Variants in CACNA1I observed in about 807,000 individuals in gnomAD.
CACNA1I encodes voltage-dependent T-type calcium channel subunit alpha-1I.
A neutral mutation model predicts 201.6 loss-of-function variants in CACNA1I; 74 were observed. The observed-to-expected ratio is 0.37, with a 90% confidence interval of 0.30 to 0.45. The LOEUF is 0.45. Ranked by LOEUF, CACNA1I falls within the 20% of genes least tolerant of loss-of-function variation. The pLI is 1.00. For synonymous variants in CACNA1I, 1,431 were observed against 1,345.2 expected, an observed-to-expected ratio of 1.06 and a Z score of -1.40; for missense variants, 2,346 against 3,138.1, an observed-to-expected ratio of 0.75 and a Z score of 6.03.
intron 3 of CACNA1I, among the ~76,000 whole-genome samples, chr22:39,602,952 G>C (rs1489189341): frequency 6.6e-6 from 1 of 151,990 alleles, no homozygotes; most frequent in Non-Finnish European, 1.5e-5. Flanking sequence ...AGGAGTTTGA[G>C]ACCAGCCTGG....
At chr22:39,578,718 C>T (rs1350216602) in intron 1 of CACNA1I, among the ~76,000 whole-genome samples, 1 of 152,182 alleles carries the variant, frequency 6.6e-6, no homozygotes, top group Non-Finnish European at 1.5e-5. Flanking sequence ...CTGATTCTTT[C>T]CTCACTCCCC....
In CACNA1I at chr22:39,685,773, G is replaced by T; in HGVS notation, c.6040G>T (p.Asp2014Tyr). 6.7e-7 allele frequency: 1 copy of T among 1,490,710 alleles called. No homozygotes were observed. The allele number at this position is 1,490,710 out of a possible 1,614,324, so 92.3% of individuals were successfully genotyped here. A position where few individuals can be genotyped will look rare whatever the true frequency, so the allele number is the denominator to read the frequency against. ...CACCTCCCCCCAGGCCACCGGGAGC[G>T]ACACGTCGCTGGACGCCAGCCCCAG... ...CTLLRQATGS[D>Y]TSLDASPSSS... The change falls in exon 37 of 37, where the codon GAC becomes TAC. Residue 2014 changes from aspartate (D) to tyrosine (Y), a missense_variant. Physicochemically the swap from Asp to Tyr is radical, Grantham distance 160. Coordinates refer to ENST00000402142, the MANE Select transcript of CACNA1I (RefSeq NM_021096.4). This position sits in a 1 kb window ranked among gnomAD's most constrained non-coding sequence, Gnocchi z 5.0.
At chr22:39,576,465 CT>C (rs1312410660) in intron 1 of CACNA1I, among the ~76,000 whole-genome samples, 4 of 152,232 alleles carry the variant, frequency 2.6e-5, no homozygotes, top group African/African-American at 4.8e-5. Context: ...CCAGTCCTGG[CT>C]TTTATTCAGG....
chr22:39,623,875 G>A (rs1335583569), intron 4 of CACNA1I, among the ~76,000 whole-genome samples: 1 of 146,086 alleles, frequency 6.8e-6, no homozygotes, highest in South Asian at 2.2e-4. Flanking sequence ...GCCTGTGAGG[G>A]TGTGTGTGTG....
intron 1 of CACNA1I, among the ~76,000 whole-genome samples, chr22:39,580,854 T>C (rs925148106): frequency 6.6e-6 from 1 of 152,302 alleles, no homozygotes; most frequent in South Asian, 2.1e-4. Context: ...TACCGATGGA[T>C]GGATTGATCA....
intron 2 of CACNA1I, among the ~76,000 whole-genome samples, chr22:39,598,731 T>C (rs549903717): frequency 2.6e-4 from 40 of 152,154 alleles, no homozygotes; most frequent in African/African-American, 8.7e-4. Flanking sequence ...AGATGCCCTT[T>C]AGGAGCGGGC....
chr22:39,624,441 C>T (rs1003500903), intron 4 of CACNA1I, among the ~76,000 whole-genome samples: 3 of 152,192 alleles, frequency 2.0e-5, no homozygotes, highest in Non-Finnish European at 2.9e-5. Flanking sequence ...AGGGTCTCCT[C>T]CTGCTAGTGG....
rs894683406 is a variant in CACNA1I, at chr22:39,676,178, C to T, written c.4855-1163C>T. On this transcript the variant is annotated intron_variant, in intron 29 of 36. Coordinates refer to ENST00000402142, the MANE Select transcript of CACNA1I (RefSeq NM_021096.4). The surrounding 1 kb of genome is among the most constrained non-coding windows in gnomAD (Gnocchi z 4.8). ...CGGCAATCCTGGTTAAGAGATGCTG[C>T]CCCCGCCGGCCTGTGCAGGGCACAA... Among the ~76,000 whole-genome samples, 1 of 152,206 alleles carries T rather than the reference C, an allele frequency of 6.6e-6. No individual in the cohort carries two copies. Among genetic ancestry groups the T allele is most frequent in the Non-Finnish European group, 1.5e-5 (1 of 68,038 alleles).
chr22:39,605,199 AC>A (rs1933183941), intron 3 of CACNA1I, among the ~76,000 whole-genome samples: 1 of 151,552 alleles, frequency 6.6e-6, no homozygotes, highest in Admixed American at 6.6e-5. Flanking sequence ...CAAATTAATT[AC>A]TAGCTCTTTC....
chr22:39,631,408 C>T (rs1934058409), intron 4 of CACNA1I, among the ~76,000 whole-genome samples: 1 of 152,234 alleles, frequency 6.6e-6, no homozygotes, highest in Non-Finnish European at 1.5e-5. Context: ...CCATCTGGCT[C>T]TTGCTCCAGG....
At chr22:39,640,446 T>TA (rs905032724) in intron 5 of CACNA1I, among the ~76,000 whole-genome samples, 10 of 152,156 alleles carry the variant, frequency 6.6e-5, no homozygotes, top group African/African-American at 2.4e-4. Flanking sequence ...CAGGATCACT[T>TA]ACATGGAAGT....
At position 39,661,952 on chromosome 22, in the gene CACNA1I, G is replaced by C. The variant is rs1025600553; in HGVS notation, c.2902-13G>C. The C allele has an allele frequency of 2.2e-5, 33 of 1,499,320 alleles. No individual in the cohort carries two copies. Among genetic ancestry groups the C allele is most frequent in the Non-Finnish European group, 2.9e-5 (33 of 1,127,182 alleles). The allele number at this position is 1,499,320 out of a possible 1,614,324, so 92.9% of individuals were successfully genotyped here. A position where few individuals can be genotyped will look rare whatever the true frequency, so the allele number is the denominator to read the frequency against. Reference sequence around the variant, plus strand: ...GCCTGTGGGGCGCTGACCCGAACGGGAACTCCTTCCAGTCCAGCTCCCGGA... The same window carrying C: ...GCCTGTGGGGCGCTGACCCGAACGGCAACTCCTTCCAGTCCAGCTCCCGGA... On this transcript the variant is annotated splice_polypyrimidine_tract_variant and intron_variant, in intron 16 of 36. Transcript: ENST00000402142.
rs966218626 is a variant in CACNA1I, at chr22:39,661,919, G to A, written c.2902-46G>A. 12 of 1,312,106 alleles carry A rather than the reference G, an allele frequency of 9.1e-6. No homozygotes were observed. The South Asian group carries it at 1.1e-4, about 12-fold the overall frequency. 81.3% of individuals were successfully genotyped at this position (1,312,106 alleles called of 1,614,324 possible). On this transcript the variant is annotated intron_variant, in intron 16 of 36. Transcript: ENST00000402142. The stretch of plus-strand genomic sequence containing the variant: ...CCTTTGGGCACCTGGTGCCCCAGCC[G>A]TGGGTGTGCCTGTGGGGCGCTGACC...
Position 39,684,227 on chromosome 22 carries a change from C to A in CACNA1I, c.5831-75C>A. The A allele has an allele frequency of 7.5e-7, 1 of 1,331,104 alleles. No homozygotes were observed. The highest frequency in any genetic ancestry group is 1.1e-6 in the Non-Finnish European group (1 of 943,942). 82.5% of individuals were successfully genotyped at this position (1,331,104 alleles called of 1,614,324 possible). A position where few individuals can be genotyped will look rare whatever the true frequency, so the allele number is the denominator to read the frequency against. The stretch of plus-strand genomic sequence containing the variant: ...CACTGCTGGCCCAGTGAGATTGGTG[C>A]TCAATGCCACCTTCCAGGGGCTGCC... On this transcript the variant is annotated intron_variant, in intron 35 of 36. Transcript: ENST00000402142. The surrounding 1 kb of genome is among the most constrained non-coding windows in gnomAD (Gnocchi z 4.6).
rs1343245258 is a variant in CACNA1I, at chr22:39,607,893, G to GGA, written c.482+7241_482+7242insAG. Among the ~76,000 whole-genome samples, 8 of 113,378 alleles carry GGA rather than the reference G, an allele frequency of 7.1e-5. 1 individual carries two copies. Among genetic ancestry groups the GGA allele is most frequent in the African/African-American group, 2.7e-4 (7 of 26,000 alleles). The allele number at this position is 113,378 out of a possible 152,430, so 74.4% of individuals were successfully genotyped here. On this transcript the variant is annotated intron_variant, in intron 3 of 36. Transcript: ENST00000402142. ...TAATCCCAGCACTTTGGGGTGCCAAGGCGGGGGGGGGTCACCTGAGGTCAG... is the reference window on the plus strand; with the variant it reads ...TAATCCCAGCACTTTGGGGTGCCAAGGAGCGGGGGGGGGTCACCTGAGGTCAG...
In CACNA1I at chr22:39,662,017, C is replaced by T; in HGVS notation, c.2954C>T (p.Ala985Val). ...YGPWGRSAAW[A>V]SRRSSWNSLK... is the part of the protein sequence containing the mutation. ...CCATGGGGCCGCAGCGCGGCCTGGGCCAGCCGTCGCTCCAGCTGGAACAGC... is the reference window on the plus strand; with the variant it reads ...CCATGGGGCCGCAGCGCGGCCTGGGTCAGCCGTCGCTCCAGCTGGAACAGC... The change falls in exon 17 of 37, where the codon GCC (alanine) becomes GTC (valine). Residue 985 changes from alanine (A) to valine (V), a missense_variant. By Grantham distance (64) the Ala-to-Val change is moderately conservative. Around this residue, in one of 13 missense-constraint regions of CACNA1I, gnomAD observed 288 missense variants for 255.2 expected, o/e 1.13. Transcript: ENST00000402142. 1 of 1,566,080 alleles carries T rather than the reference C, an allele frequency of 6.4e-7. No individual in the cohort carries two copies. The highest frequency in any genetic ancestry group is 8.6e-7 in the Non-Finnish European group (1 of 1,160,436).
At position 39,662,407 on chromosome 22, in the gene CACNA1I, G is replaced by A. The variant is rs758189989; in HGVS notation, c.3344G>A (p.Arg1115His). The A allele has an allele frequency of 2.2e-4, 318 of 1,462,040 alleles. No individual in the cohort carries two copies. The highest frequency in any genetic ancestry group is 2.7e-4 in the Non-Finnish European group (303 of 1,116,492). 90.6% of individuals were successfully genotyped at this position (1,462,040 alleles called of 1,614,324 possible). A position where few individuals can be genotyped will look rare whatever the true frequency, so the allele number is the denominator to read the frequency against. Residue 1115 changes from arginine to histidine, a missense_variant, in exon 17 of 37, where the codon CGC becomes CAC. Transcript: ENST00000402142. ...VFTKMGDRGD[R>H]GEDEEEIDYT... ...ACCAAGATGGGCGACCGCGGGGATC[G>A]CGGGGAGGATGAGGAGGAAATCGAC...
chr22:39,608,116 CAAAAAAAAAAAAA>C (rs147887508), intron 3 of CACNA1I, among the ~76,000 whole-genome samples: 1 of 106,704 alleles, frequency 9.4e-6, no homozygotes, highest in East Asian at 2.6e-4. Flanking sequence ...ACTCCATCTC[CAAAAAAAAAAAAA>C]AAAAAAAAAT....
At chr22:39,603,815 A>C (rs1933134107) in intron 3 of CACNA1I, among the ~76,000 whole-genome samples, 1 of 152,232 alleles carries the variant, frequency 6.6e-6, no homozygotes, top group South Asian at 2.1e-4. Flanking sequence ...AGAATGTAGG[A>C]AGAAAGTGAG....
Sources: allele counts gnomAD v4.1 joint callset (sites outside exome capture counted in the v4.1 genomes callset), GRCh38; gene constraint gnomAD v4.1.1; regional missense constraint gnomAD v4.1.1; non-coding constraint Gnocchi (gnomAD v3.1); transcripts MANE v1.5; gene names NCBI Gene and HGNC (gene_info 2026-07-23, HGNC 2026-07-21).